The following ALDH1A2 variants were observed in gnomAD, a reference collection of about 807,000 sequenced individuals.
ALDH1A2 encodes the protein retinal dehydrogenase 2.
Under a neutral mutation model 60.3 loss-of-function variants are expected in ALDH1A2, and 27 were observed. The ratio of observed to expected loss-of-function variants is 0.45; its 90% confidence interval spans 0.33 to 0.62. The LOEUF (loss-of-function observed/expected upper bound fraction) is 0.62. Ranked by LOEUF, ALDH1A2 falls within the 20% of genes least tolerant of loss-of-function variation. ALDH1A2 has a pLI of 0.02. For missense variants in ALDH1A2, 581 were observed against 643.8 expected, an observed-to-expected ratio of 0.90 and a Z score of 1.06; for synonymous variants, 289 against 232.4, an observed-to-expected ratio of 1.24 and a Z score of -2.21.
chr15:58,060,976 C>T (rs1474880043), intron 1 of ALDH1A2, among the ~76,000 whole-genome samples: 1 of 152,212 alleles, frequency 6.6e-6, no homozygotes, highest in Non-Finnish European at 1.5e-5. Context: ...ACTAACTATG[C>T]ATGATTTGCC....
At chr15:58,043,548 T>C (rs1304608595) in intron 1 of ALDH1A2, among the ~76,000 whole-genome samples, 1 of 152,058 alleles carries the variant, frequency 6.6e-6, no homozygotes, top group Non-Finnish European at 1.5e-5. Context: ...GTATGCCCTC[T>C]GTGTTCTCAA....
At chr15:58,019,153 G>C (rs1168690593) in intron 1 of ALDH1A2, among the ~76,000 whole-genome samples, 2 of 151,196 alleles carry the variant, frequency 1.3e-5, no homozygotes, top group African/African-American at 4.8e-5. Context: ...AAAATGGAAA[G>C]CAAAAAAAAA....
intron 1 of ALDH1A2, among the ~76,000 whole-genome samples, chr15:58,057,446 A>G (rs1350808730): frequency 1.3e-5 from 2 of 152,210 alleles, no homozygotes; most frequent in African/African-American, 4.8e-5. Context: ...AAGGAAGAGA[A>G]AGAAAGAAAT....
chr15:57,995,327 T>A (rs1175187896), intron 4 of ALDH1A2, among the ~76,000 whole-genome samples, 188 bp from the exon 5 acceptor site: 2 of 151,426 alleles, frequency 1.3e-5, no homozygotes, highest in Non-Finnish European at 2.9e-5. Flanking sequence ...TTTCTGGATA[T>A]ATCTCTCAGA....
chr15:58,029,396 T>C lies in ALDH1A2; in HGVS notation c.118-15115A>G, dbSNP rs183874065. 9.5e-3 allele frequency among the ~76,000 whole-genome samples: 1,443 copies of C among 152,118 alleles called. 11 individuals carry two copies. Among genetic ancestry groups the C allele is most frequent in the Non-Finnish European group, 0.016 (1,055 of 67,982 alleles). ...AATCTCTGGGACACATTTAAAGCAG[T>C]GTGTAGAGGGAAATTTATAGCAGTA... is the stretch of plus-strand genomic sequence containing the variant. On this transcript the variant is annotated intron_variant, in intron 1 of 12. Transcript: ENST00000249750.
intron 1 of ALDH1A2, among the ~76,000 whole-genome samples, chr15:58,023,864 G>T (rs1174326261): frequency 6.6e-6 from 1 of 152,112 alleles, no homozygotes; most frequent in African/African-American, 2.4e-5. Flanking sequence ...GGCCGAGGTG[G>T]GTGGAGCACC....
At chr15:58,040,204 C>A (rs1896482979) in intron 1 of ALDH1A2, among the ~76,000 whole-genome samples, 1 of 151,942 alleles carries the variant, frequency 6.6e-6, no homozygotes, top group African/African-American at 2.4e-5. Context: ...CACCTCTCTG[C>A]ATATTCTGAC....
intron 4 of ALDH1A2, among the ~76,000 whole-genome samples, chr15:58,008,282 T>C (rs1408591659): frequency 6.6e-6 from 1 of 152,070 alleles, no homozygotes; most frequent in Non-Finnish European, 1.5e-5. Flanking sequence ...AGAGAATTCA[T>C]CGTTTTTTTT....
chr15:58,043,880 G>C (rs1445239404), intron 1 of ALDH1A2, among the ~76,000 whole-genome samples: 5 of 151,972 alleles, frequency 3.3e-5, no homozygotes, highest in African/African-American at 1.2e-4. Context: ...CCTTTGGTTA[G>C]GAAGAGACAG....
intron 12 of ALDH1A2, among the ~76,000 whole-genome samples, chr15:57,957,836 T>C (rs989729460): frequency 1.3e-5 from 2 of 151,794 alleles, no homozygotes. Context: ...TTACTTGACT[T>C]GCAGCAGCAT....
At position 57,963,931 on chromosome 15, in the gene ALDH1A2, C is replaced by A; in HGVS notation, c.1040G>T (p.Arg347Leu). 1 of 1,614,144 alleles carries A rather than the reference C, an allele frequency of 6.2e-7. No individual in the cohort carries two copies. The highest frequency in any genetic ancestry group is 1.7e-4 in the Middle Eastern group (1 of 6,060). ...GGGGTCAAAGGGACTCCCCACTACG[C>A]GCCTCTTGGCCCGCTCCACGCTTCT... ...VRRSVERAKR[R>L]VVGSPFDPTT... The change falls in exon 9 of 13, where the codon CGC becomes CTC. Residue 347 changes from arginine to leucine, a missense_variant. Arg to Leu is a moderately radical substitution (Grantham distance 102). Coordinates refer to ENST00000249750, the MANE Select transcript of ALDH1A2 (RefSeq NM_003888.4).
chr15:57,970,125 T>C (rs1438920863), intron 7 of ALDH1A2, among the ~76,000 whole-genome samples: 1 of 152,200 alleles, frequency 6.6e-6, no homozygotes, highest in African/African-American at 2.4e-5. Context: ...AATTCTTGTG[T>C]TTTTCTTGCC....
chr15:57,975,681 G>A (rs1287560832), intron 7 of ALDH1A2, among the ~76,000 whole-genome samples: 1 of 152,070 alleles, frequency 6.6e-6, no homozygotes, highest in Non-Finnish European at 1.5e-5. Context: ...TGATATGCAC[G>A]ACATAGACAG....
intron 1 of ALDH1A2, among the ~76,000 whole-genome samples, chr15:58,026,979 G>C (rs1464839447): frequency 2.0e-5 from 3 of 152,218 alleles, no homozygotes; most frequent in Admixed American, 6.5e-5. Context: ...AACTTCTGCA[G>C]ACTTAAACGT....
chr15:58,035,313 A>G (rs1896350684), intron 1 of ALDH1A2, among the ~76,000 whole-genome samples: 1 of 151,424 alleles, frequency 6.6e-6, no homozygotes, highest in Admixed American at 6.6e-5. Context: ...TTCATTTCTG[A>G]TATTAGTAAT....
At chr15:57,990,306 T>C (rs1894850368) in intron 7 of ALDH1A2, 1 of 152,204 alleles carries the variant, frequency 6.6e-6, no homozygotes, top group African/African-American at 2.4e-5. Flanking sequence ...CATATACGTG[T>C]GTGTATACGT....
intron 1 of ALDH1A2, among the ~76,000 whole-genome samples, chr15:58,027,033 A>T (rs568239195): frequency 3.3e-5 from 5 of 152,300 alleles, no homozygotes; most frequent in Admixed American, 2.6e-4. Context: ...TGGTTTTCCC[A>T]GCACGGTGTT....
intron 1 of ALDH1A2, among the ~76,000 whole-genome samples, chr15:58,048,566 G>C (rs1378566712): frequency 1.3e-5 from 2 of 152,016 alleles, no homozygotes; most frequent in African/African-American, 4.8e-5. Context: ...CCCTTTCCCA[G>C]AATGATGCTG....
chr15:58,014,060 C>T, intron 2 of ALDH1A2, 62 bp from the exon 3 acceptor site: 1 of 1,614,014 alleles, frequency 6.2e-7, no homozygotes, highest in Non-Finnish European at 8.5e-7. Flanking sequence ...GAACCATCCA[C>T]TGTCATGAAA....
Sources: gnomAD v4.1 joint callset for allele counts (sites outside exome capture counted in the v4.1 genomes callset) on GRCh38, gnomAD v4.1.1 for gene constraint, MANE v1.5 for transcripts, NCBI Gene and HGNC (gene_info 2026-07-23, HGNC 2026-07-21) for gene names.